SMYD3: variants seen among roughly 807,000 people sequenced by gnomAD.
SMYD3 encodes the protein SET and MYND domain containing 3, also known as histone-lysine N-methyltransferase SMYD3.
Under a neutral mutation model 57.7 loss-of-function variants are expected in SMYD3, and 36 were observed. That is an observed-to-expected ratio of 0.62 (90% CI 0.48 to 0.82). The LOEUF is 0.82. Ranked by LOEUF, SMYD3 falls within the 40% of genes least tolerant of loss-of-function variation. SMYD3 has a pLI of 0.00. For missense variants in SMYD3, 515 were observed against 538.8 expected (o/e 0.96, Z 0.44); for synonymous variants, 211 against 195.0 (o/e 1.08, Z -0.68).
At chr1:246,207,479 T>G (rs2063018398) in intron 5 of SMYD3, among the ~76,000 whole-genome samples, 1 of 151,362 alleles carries the variant, frequency 6.6e-6, no homozygotes, top group Non-Finnish European at 1.5e-5. Flanking sequence ...GCATAAGGAG[T>G]GAAAAAGGTC....
At chr1:246,048,727 T>C (rs375194938) in intron 5 of SMYD3, among the ~76,000 whole-genome samples, 3 of 151,586 alleles carry the variant, frequency 2.0e-5, no homozygotes, top group East Asian at 1.9e-4. Flanking sequence ...GGGAGAATGA[T>C]AGCAACTTCA....
chr1:246,035,854 T>C (rs9660201), intron 5 of SMYD3, among the ~76,000 whole-genome samples: 69,750 of 151,722 alleles, frequency 0.46, 18,206 homozygotes, highest in East Asian at 0.95. Flanking sequence ...AGGTGTTTAC[T>C]TGTTGATAAT....
intron 10 of SMYD3, among the ~76,000 whole-genome samples, chr1:245,817,272 C>A (rs932683164): frequency 1.4e-5 from 2 of 144,012 alleles, no homozygotes; most frequent in Non-Finnish European, 3.0e-5. Context: ...GGGAGGCACC[C>A]CCCAGCAGGG....
intron 5 of SMYD3, among the ~76,000 whole-genome samples, chr1:246,323,693 T>C (rs1327663630): frequency 6.6e-6 from 1 of 152,164 alleles, no homozygotes; most frequent in Non-Finnish European, 1.5e-5. Context: ...TCTGCCTTGA[T>C]AGATAATTTT....
chr1:246,289,030 G>T (rs1197648), intron 5 of SMYD3, among the ~76,000 whole-genome samples: 2 of 152,076 alleles, frequency 1.3e-5, no homozygotes, highest in Admixed American at 6.5e-5. Context: ...CAGGAGAATC[G>T]CTTGAACCCA....
intron 5 of SMYD3, among the ~76,000 whole-genome samples, chr1:246,281,740 G>A (rs1201969050): frequency 1.3e-5 from 2 of 152,150 alleles, no homozygotes; most frequent in East Asian, 3.9e-4. Flanking sequence ...AGAAAACAGT[G>A]GAGGAAAAGA....
At chr1:246,342,229 C>G (rs140971642) in intron 2 of SMYD3, among the ~76,000 whole-genome samples, 1 of 152,134 alleles carries the variant, frequency 6.6e-6, no homozygotes, top group Non-Finnish European at 1.5e-5. Context: ...ACATCTTCTA[C>G]GTGAAATATC....
chr1:246,091,495 A>C (rs1411633117), intron 5 of SMYD3, among the ~76,000 whole-genome samples: 5 of 148,426 alleles, frequency 3.4e-5, no homozygotes, highest in African/African-American at 9.8e-5. Context: ...CTCAGCACAA[A>C]AAAAAAAAAA....
At chr1:245,766,275 C>T (rs1255143413) in intron 10 of SMYD3, among the ~76,000 whole-genome samples, 3 of 151,670 alleles carry the variant, frequency 2.0e-5, no homozygotes, top group South Asian at 2.1e-4. Flanking sequence ...TGGTGGCAGG[C>T]GCCTGTAGTC....
chr1:245,930,574 C>A (rs1291228071), intron 5 of SMYD3: 5 of 160,380 alleles, frequency 3.1e-5, no homozygotes, highest in African/African-American at 1.2e-4. Context: ...CGACTGTGCT[C>A]AAGGAACTTA....
intron 5 of SMYD3, among the ~76,000 whole-genome samples, chr1:246,191,457 A>G (rs567708358): frequency 6.6e-6 from 1 of 152,356 alleles, no homozygotes; most frequent in Admixed American, 6.5e-5. Context: ...GCATTTTTAG[A>G]ACATCTCTAG....
intron 5 of SMYD3, among the ~76,000 whole-genome samples, chr1:246,288,132 G>A (rs555264701): frequency 1.5e-5 from 2 of 135,268 alleles, no homozygotes; most frequent in African/African-American, 5.6e-5. Flanking sequence ...GGAGTACAGT[G>A]GTGCAATCTC....
intron 8 of SMYD3, among the ~76,000 whole-genome samples, chr1:245,865,523 C>T (rs2051786028): frequency 6.6e-6 from 1 of 152,164 alleles, no homozygotes; most frequent in South Asian, 2.1e-4. Context: ...CAATCACTAG[C>T]CTGGAACCAA....
intron 1 of SMYD3, among the ~76,000 whole-genome samples, chr1:246,425,733 C>T (rs111285698): frequency 6.6e-6 from 1 of 152,186 alleles, no homozygotes. Context: ...TTACTCAGCT[C>T]TTTACAGGTG....
At chr1:245,965,591 A>T (rs1458917910) in intron 5 of SMYD3, among the ~76,000 whole-genome samples, 1 of 152,210 alleles carries the variant, frequency 6.6e-6, no homozygotes, top group East Asian at 1.9e-4. Flanking sequence ...AGGACATGGT[A>T]GAACCTTAAA....
chr1:246,088,738 C>A (rs933583278), intron 5 of SMYD3, among the ~76,000 whole-genome samples: 3 of 152,042 alleles, frequency 2.0e-5, no homozygotes, highest in African/African-American at 7.3e-5. Flanking sequence ...TACAATATCC[C>A]CAAAAGTTTG....
chr1:246,435,127 A>G (rs1335379893), intron 1 of SMYD3, among the ~76,000 whole-genome samples: 1 of 152,196 alleles, frequency 6.6e-6, no homozygotes, highest in Non-Finnish European at 1.5e-5. Context: ...ACTGCTGGAC[A>G]TAAAGACGGC....
chr1:245,847,297 C>T (rs1057024097), intron 10 of SMYD3, among the ~76,000 whole-genome samples: 2 of 152,174 alleles, frequency 1.3e-5, no homozygotes, highest in East Asian at 1.9e-4. Context: ...TCTCTACAAG[C>T]GATCAAATAT....
At chr1:246,300,116 T>A (rs74227151) in intron 5 of SMYD3, among the ~76,000 whole-genome samples, 33,325 of 152,050 alleles carry the variant, frequency 0.22, 4,040 homozygotes, top group East Asian at 0.51. Context: ...TAGCTGTGTA[T>A]ATACTAAATA....
Sources: gnomAD v4.1 joint callset for allele counts (sites outside exome capture counted in the v4.1 genomes callset) on GRCh38, gnomAD v4.1.1 for gene constraint, MANE v1.5 for transcripts, NCBI Gene and HGNC (gene_info 2026-07-23, HGNC 2026-07-21) for gene names.